TIGAR: variants seen among roughly 807,000 people sequenced by gnomAD.
TIGAR encodes the protein TP53 induced glycolysis regulatory phosphatase, also known as fructose-2,6-bisphosphatase TIGAR.
Under a neutral mutation model 17.9 loss-of-function variants are expected in TIGAR, and 7 were observed. The observed-to-expected ratio is 0.39, with a 90% CI of 0.22 to 0.73. TIGAR has a LOEUF of 0.73. Ranked by LOEUF, TIGAR falls within the 30% of genes least tolerant of loss-of-function variation. The probability of loss-of-function intolerance (pLI) is 0.42; values close to 1 mark genes in which losing one functional copy is unlikely to be tolerated. For missense variants in TIGAR, 258 were observed against 327.4 expected (o/e 0.79, Z 1.64); for synonymous variants, 94 against 108.6 (o/e 0.87, Z 0.84).
chr12:4,352,668 A>C lies in TIGAR; in HGVS notation c.790A>C (p.Asn264His). 6.2e-7 allele frequency: 1 copy of C among 1,602,044 alleles called. No homozygotes were observed. ...CICMNLQDHLNGLTETR is the reference protein window; with the variant it reads ...CICMNLQDHLHGLTETR ...TTGTATGAACCTACAGGATCATCTA[A>C]ATGGACTGACTGAAACTCGCTAAGG... The change falls in exon 6 of 6, where the codon AAT becomes CAT. Residue 264 changes from asparagine to histidine, a missense_variant. Coordinates refer to ENST00000179259, the MANE Select transcript of TIGAR (RefSeq NM_020375.3).
At chr12:4,333,585 C>T (rs959461450) in intron 2 of TIGAR, among the ~76,000 whole-genome samples, 5 of 152,180 alleles carry the variant, frequency 3.3e-5, no homozygotes, top group Admixed American at 6.5e-5. Flanking sequence ...TCTCCTGTCT[C>T]AGCCTCCTGA....
At chr12:4,331,022 A>G (rs1215282772) in intron 1 of TIGAR, among the ~76,000 whole-genome samples, 1 of 151,878 alleles carries the variant, frequency 6.6e-6, no homozygotes, top group African/African-American at 2.4e-5. Context: ...AGGATTTTCC[A>G]CCTGCAATTC....
intron 3 of TIGAR, among the ~76,000 whole-genome samples, chr12:4,340,533 G>GA (rs2120673580): frequency 6.6e-6 from 1 of 152,318 alleles, no homozygotes; most frequent in South Asian, 2.1e-4. Context: ...ATTCTTCACA[G>GA]AAGTAGAAAA....
At chr12:4,347,643 A>G (rs184022242) in intron 3 of TIGAR, among the ~76,000 whole-genome samples, 24 of 152,316 alleles carry the variant, frequency 1.6e-4, no homozygotes, top group Admixed American at 1.2e-3. Context: ...TGGCTGTATC[A>G]AAGTGTCTCA....
In TIGAR at chr12:4,329,328, C is replaced by CTTTTTT. The variant is rs34584528; in HGVS notation, c.33-1931_33-1926dup. Among the ~76,000 whole-genome samples, 4 of 73,240 alleles carry CTTTTTT rather than the reference C, an allele frequency of 5.5e-5. 1 individual carries two copies. Among genetic ancestry groups the CTTTTTT allele is most frequent in the East Asian group, 9.0e-4 (2 of 2,230 alleles). The allele number at this position is 73,240 out of a possible 152,430, so 48.0% of individuals were successfully genotyped here. A position where few individuals can be genotyped will look rare whatever the true frequency, so the allele number is the denominator to read the frequency against. The stretch of plus-strand genomic sequence containing the variant: ...TAGAAATAATACTGTAGCTAATGAT[C>CTTTTTT]TTTTTTTTTTTTTTTTTTTTTTTTT... On this transcript the variant is annotated intron_variant, in intron 1 of 5. Transcript: ENST00000179259.
At chr12:4,324,250 C>T in intron 1 of TIGAR, 1 of 620,340 alleles carries the variant, frequency 1.6e-6, no homozygotes, top group South Asian at 2.0e-5. Context: ...TCCAGCACTA[C>T]TGAAGGGTCT....
At position 4,352,542 on chromosome 12, in the gene TIGAR, A is replaced by T; in HGVS notation, c.664A>T (p.Ser222Cys). The T allele has an allele frequency of 6.2e-7, 1 of 1,614,108 alleles. No individual in the cohort carries two copies. The highest frequency in any genetic ancestry group is 8.5e-7 in the Non-Finnish European group (1 of 1,180,024). ...DLKCSLPATL[S>C]RSELMSVTPN... is the part of the protein sequence containing the mutation. ...TAAGTGTTCCTTACCAGCCACTCTG[A>T]GCAGATCTGAACTTATGTCAGTCAC... is the stretch of plus-strand genomic sequence containing the variant. Residue 222 changes from serine to cysteine, a missense_variant, in exon 6 of 6, where the codon AGC becomes TGC. By Grantham distance (112) the Ser-to-Cys change is moderately radical. Coordinates refer to ENST00000179259, the MANE Select transcript of TIGAR (RefSeq NM_020375.3).
chr12:4,324,733 CGT>C, intron 1 of TIGAR: 1 of 600,842 alleles, frequency 1.7e-6, no homozygotes, highest in Non-Finnish European at 2.8e-6. Flanking sequence ...GGACACGTCC[CGT>C]CCCGCAGCTG....
intron 1 of TIGAR, among the ~76,000 whole-genome samples, chr12:4,328,993 G>A (rs1221918182): frequency 6.6e-6 from 1 of 152,102 alleles, no homozygotes; most frequent in Non-Finnish European, 1.5e-5. Flanking sequence ...CCAATAGGTG[G>A]CCACATTTAT....
rs370764273 is a variant in TIGAR, at chr12:4,337,055, A to G, written c.87A>G (p.Glu29=). Residue 29 remains glutamate (E), a synonymous_variant, in exon 3 of 6, where the codon GAA becomes GAG. Coordinates refer to ENST00000179259, the MANE Select transcript of TIGAR (RefSeq NM_020375.3). ...ATATCACAGGACAAGGAGTAGATGA[A>G]CCTCTTTCAGAAACTGGATTTAAAC... ...EKIIQGQGVD[E]PLSETGFKQA... is the part of the protein sequence containing the mutation. 2.5e-6 allele frequency: 4 copies of G among 1,610,808 alleles called. No individual in the cohort carries two copies. Among genetic ancestry groups the G allele is most frequent in the East Asian group, 4.5e-5 (2 of 44,834 alleles).
chr12:4,355,164 C>T lies in TIGAR; in HGVS notation c.*2473C>T, dbSNP rs556405378. On this transcript the variant is annotated 3_prime_UTR_variant, in exon 6 of 6. Coordinates refer to ENST00000179259, the MANE Select transcript of TIGAR (RefSeq NM_020375.3). ...GAGGTCATACAGTAATGTCTTCTTA[C>T]AGTTTTTGAGAACTTCTGAATGTCA... Among the ~76,000 whole-genome samples the T allele has an allele frequency of 6.6e-6, 1 of 152,278 alleles. No homozygotes were observed. The highest frequency in any genetic ancestry group is 2.1e-4 in the South Asian group (1 of 4,824).
rs1325568124 is a variant in TIGAR at position 4,350,055 on chromosome 12, G to T, written c.270+159G>T. Among the ~76,000 whole-genome samples, 6 of 152,076 alleles carry T rather than the reference G, an allele frequency of 3.9e-5. 1 individual carries two copies. The South Asian group carries it at 1.0e-3, about 26-fold the overall frequency. On this transcript the variant is annotated intron_variant, in intron 4 of 5. Coordinates refer to ENST00000179259, the MANE Select transcript of TIGAR (RefSeq NM_020375.3). Reference sequence around the variant, plus strand: ...ATGACAGTCACTGTTACATACCCTCGTATATAGGATCTTATTATTAAAATC... The same window carrying T: ...ATGACAGTCACTGTTACATACCCTCTTATATAGGATCTTATTATTAAAATC...
chr12:4,329,156 A>G (rs1864577649), intron 1 of TIGAR, among the ~76,000 whole-genome samples: 1 of 152,068 alleles, frequency 6.6e-6, no homozygotes, highest in Non-Finnish European at 1.5e-5. Flanking sequence ...ATCTTTACAT[A>G]TAATCTCTCT....
intron 3 of TIGAR, among the ~76,000 whole-genome samples, chr12:4,343,149 A>G (rs144388659): frequency 1.3e-5 from 2 of 152,334 alleles, no homozygotes; most frequent in Non-Finnish European, 2.9e-5. Flanking sequence ...GCCATTACAT[A>G]ATGGTAAAGG....
At chr12:4,333,353 G>A (rs1187164517) in intron 2 of TIGAR, among the ~76,000 whole-genome samples, 1 of 151,102 alleles carries the variant, frequency 6.6e-6, no homozygotes, top group South Asian at 2.1e-4. Flanking sequence ...GCAATGGCGC[G>A]ATCTCAGCTC....
rs148107458 is a variant in TIGAR, at chr12:4,359,702, C to G, written c.*7011C>G. Among the ~76,000 whole-genome samples the G allele has an allele frequency of 5.9e-3, 899 of 152,190 alleles. 8 individuals are homozygous for G. The highest frequency in any genetic ancestry group is 0.011 in the South Asian group (53 of 4,818). On this transcript the variant is annotated 3_prime_UTR_variant, in exon 6 of 6. Coordinates refer to ENST00000179259, the MANE Select transcript of TIGAR (RefSeq NM_020375.3). ...TTTTTGCGGACGTATGTTTTCATTTCTCTTGGGTAAATAATCTGGGAGTGG... is the reference window on the plus strand; with the variant it reads ...TTTTTGCGGACGTATGTTTTCATTTGTCTTGGGTAAATAATCTGGGAGTGG...
At chr12:4,327,881 T>C (rs1565445697) in intron 1 of TIGAR, among the ~76,000 whole-genome samples, 5 of 152,114 alleles carry the variant, frequency 3.3e-5, no homozygotes, top group African/African-American at 9.7e-5. Flanking sequence ...TTGGCCAGGC[T>C]GGTCTCAAAC....
intron 3 of TIGAR, among the ~76,000 whole-genome samples, chr12:4,341,164 G>C (rs1245530591): frequency 6.6e-6 from 1 of 152,090 alleles, no homozygotes; most frequent in Non-Finnish European, 1.5e-5. Context: ...AATAACCAGA[G>C]TATATAAGGA....
Position 4,354,989 on chromosome 12 carries a change from C to T in TIGAR, c.*2298C>T, listed in dbSNP as rs548818377. ...CAGGTGATCCACCTGCCTTGGCCTT[C>T]CAAAGTGCTGGGATTGCAGGCATAA... On this transcript the variant is annotated 3_prime_UTR_variant, in exon 6 of 6. Transcript: ENST00000179259. 6.6e-6 allele frequency among the ~76,000 whole-genome samples: 1 copy of T among 151,770 alleles called. No homozygotes were observed. The highest frequency in any genetic ancestry group is 1.5e-5 in the Non-Finnish European group (1 of 67,960).
Sources: allele counts gnomAD v4.1 joint callset (sites outside exome capture counted in the v4.1 genomes callset), GRCh38; gene constraint gnomAD v4.1.1; transcripts MANE v1.5; gene names NCBI Gene and HGNC (gene_info 2026-07-23, HGNC 2026-07-21).